LRRC58: variants seen among roughly 807,000 people sequenced by gnomAD.
LRRC58 encodes the protein leucine rich repeat containing 58, also known as leucine-rich repeat-containing protein 58.
A neutral mutation model predicts 30.6 loss-of-function variants in LRRC58; 18 were observed. The observed-to-expected ratio is 0.59, with a 90% CI of 0.41 to 0.87. The LOEUF (loss-of-function observed/expected upper bound fraction) is 0.87, where lower values mean the gene tolerates loss of function less well. LRRC58 is among the 40% of genes least tolerant of loss of function. The probability of loss-of-function intolerance (pLI) is 0.00; values close to 1 mark genes in which losing one functional copy is unlikely to be tolerated. For missense variants in LRRC58, 420 were observed against 468.4 expected, an observed-to-expected ratio of 0.90 and a Z score of 0.95; for synonymous variants, 221 against 206.0, an observed-to-expected ratio of 1.07 and a Z score of -0.62.
chr3:120,334,243 G>A (rs1477397783), intron 3 of LRRC58, among the ~76,000 whole-genome samples: 1 of 152,158 alleles, frequency 6.6e-6, no homozygotes, highest in African/African-American at 2.4e-5. Flanking sequence ...GGTGGCTCAC[G>A]CCTGTAATCC....
At chr3:120,333,136 GCCTC>G (rs937302033) in intron 3 of LRRC58, among the ~76,000 whole-genome samples, 76 of 150,928 alleles carry the variant, frequency 5.0e-4, no homozygotes, top group Middle Eastern at 3.5e-3. Context: ...TTCTGCCTCA[GCCTC>G]CCAAAGTGAT....
chr3:120,330,744 A>C lies in LRRC58; in HGVS notation c.*456T>G, dbSNP rs534530954. 1 of 155,122 alleles carries C rather than the reference A, an allele frequency of 6.4e-6. No homozygotes were observed. The highest frequency in any genetic ancestry group is 1.4e-5 in the Non-Finnish European group (1 of 69,872). 9.6% of individuals were successfully genotyped at this position (155,122 alleles called of 1,614,324 possible). On this transcript the variant is annotated 3_prime_UTR_variant, in exon 4 of 4. Coordinates refer to ENST00000295628, the MANE Select transcript of LRRC58 (RefSeq NM_001099678.2). Reference sequence around the variant, plus strand: ...GGGTTAATCCTGTTTATGGCATATAATATATATGGTATATATAGTATATAT... The same window carrying C: ...GGGTTAATCCTGTTTATGGCATATACTATATATGGTATATATAGTATATAT...
At chr3:120,339,408 A>AT (rs529797902) in intron 1 of LRRC58, among the ~76,000 whole-genome samples, 21 of 151,870 alleles carry the variant, frequency 1.4e-4, no homozygotes, top group Non-Finnish European at 2.9e-4. Flanking sequence ...CAATTTTATC[A>AT]TTTTTTTTGG....
At chr3:120,342,260 G>C (rs2107626086) in intron 1 of LRRC58, among the ~76,000 whole-genome samples, 1 of 152,308 alleles carries the variant, frequency 6.6e-6, no homozygotes, top group South Asian at 2.1e-4. Context: ...GGGCAGATGG[G>C]AGTGGGGACT....
At chr3:120,341,091 T>C (rs1409952271) in intron 1 of LRRC58, among the ~76,000 whole-genome samples, 1 of 152,216 alleles carries the variant, frequency 6.6e-6, no homozygotes, top group African/African-American at 2.4e-5. Context: ...GGTTATAAGA[T>C]TGAATTCTCC....
At chr3:120,346,780 T>G (rs931473226) in intron 1 of LRRC58, among the ~76,000 whole-genome samples, 3 of 152,206 alleles carry the variant, frequency 2.0e-5, no homozygotes, top group African/African-American at 7.2e-5. Flanking sequence ...CCATCATCTC[T>G]CATCCTATTA....
chr3:120,340,918 T>C (rs1308125042), intron 1 of LRRC58, among the ~76,000 whole-genome samples: 3 of 152,138 alleles, frequency 2.0e-5, no homozygotes, highest in Non-Finnish European at 4.4e-5. Context: ...TATATGTATA[T>C]ATTAATGACA....
intron 1 of LRRC58, among the ~76,000 whole-genome samples, chr3:120,340,721 A>G (rs1209835449): frequency 6.6e-6 from 1 of 151,812 alleles, no homozygotes; most frequent in Non-Finnish European, 1.5e-5. Context: ...AAAAAAACAA[A>G]AACAAACAAA....
intron 3 of LRRC58, among the ~76,000 whole-genome samples, chr3:120,332,736 T>C (rs1406208624): frequency 2.6e-5 from 4 of 151,882 alleles, no homozygotes; most frequent in Non-Finnish European, 4.4e-5. Context: ...ATAGATTATC[T>C]CAAATTTTAA....
At chr3:120,347,773 A>G (rs989585819) in intron 1 of LRRC58, among the ~76,000 whole-genome samples, 12 of 152,336 alleles carry the variant, frequency 7.9e-5, no homozygotes, top group Non-Finnish European at 1.5e-4. Flanking sequence ...AAAATACAAT[A>G]AAGTGTGAAA....
intron 1 of LRRC58, among the ~76,000 whole-genome samples, chr3:120,346,085 T>C (rs935878380): frequency 1.3e-5 from 2 of 151,992 alleles, no homozygotes; most frequent in African/African-American, 4.8e-5. Flanking sequence ...TGGTGAAACT[T>C]TGTCTCTACT....
intron 1 of LRRC58, among the ~76,000 whole-genome samples, chr3:120,345,708 C>T (rs1935959338): frequency 6.6e-6 from 1 of 152,226 alleles, no homozygotes; most frequent in Non-Finnish European, 1.5e-5. Flanking sequence ...CCCTTTTAAC[C>T]TACAATCAGA....
At chr3:120,340,321 C>CTAGT (rs1935889470) in intron 1 of LRRC58, among the ~76,000 whole-genome samples, 2 of 152,128 alleles carry the variant, frequency 1.3e-5, no homozygotes, top group Admixed American at 6.5e-5. Flanking sequence ...ACCTTTTAGT[C>CTAGT]TAGTTAGTTA....
rs1936019961 is a variant in LRRC58, at chr3:120,349,121, C to G, written c.123G>C (p.Gly41=). 6.6e-7 allele frequency: 1 copy of G among 1,508,870 alleles called. No homozygotes were observed. Among genetic ancestry groups the G allele is most frequent in the Non-Finnish European group, 8.8e-7 (1 of 1,137,210 alleles). The allele number at this position is 1,508,870 out of a possible 1,614,324, so 93.5% of individuals were successfully genotyped here. Residue 41 remains glycine, a synonymous_variant, in exon 1 of 4, where the codon GGG becomes GGC. Transcript: ENST00000295628. The stretch of plus-strand genomic sequence containing the variant: ...GCAGCCGCAGCAGCGCCTCCCGCGC[C>G]CCGCGCCGCTCCTCCCCCCGCGCCT... ...ELEARGEERR[G]AREALLRLLL...
intron 1 of LRRC58, among the ~76,000 whole-genome samples, chr3:120,338,664 C>CA (rs1233622143): frequency 1.3e-5 from 2 of 152,166 alleles, no homozygotes; most frequent in Non-Finnish European, 2.9e-5. Context: ...TGTGAAACAG[C>CA]AACACAGCCA....
chr3:120,341,948 C>T (rs1394752210), intron 1 of LRRC58, among the ~76,000 whole-genome samples: 1 of 152,120 alleles, frequency 6.6e-6, no homozygotes, highest in East Asian at 1.9e-4. Context: ...ACCTGCCTTC[C>T]CGCGAGCAGC....
chr3:120,337,576 C>T (rs1276304168), intron 1 of LRRC58, among the ~76,000 whole-genome samples: 1 of 152,022 alleles, frequency 6.6e-6, no homozygotes, highest in African/African-American at 2.4e-5. Context: ...TATTTTCATT[C>T]ATGTATTATA....
chr3:120,344,542 TA>T (rs1321281134), intron 1 of LRRC58, among the ~76,000 whole-genome samples: 1 of 152,224 alleles, frequency 6.6e-6, no homozygotes, highest in African/African-American at 2.4e-5. Flanking sequence ...TTGAGAGCAT[TA>T]ACTTTTAGCT....
intron 1 of LRRC58, among the ~76,000 whole-genome samples, chr3:120,343,894 C>T (rs778216086): frequency 6.6e-6 from 1 of 151,950 alleles, no homozygotes; most frequent in Non-Finnish European, 1.5e-5. Flanking sequence ...AAAAAATTAG[C>T]CTGGTGTGGT....
Sources: allele counts gnomAD v4.1 joint callset (sites outside exome capture counted in the v4.1 genomes callset), GRCh38; gene constraint gnomAD v4.1.1; transcripts MANE v1.5; gene names NCBI Gene and HGNC (gene_info 2026-07-23, HGNC 2026-07-21).